CSMD2: variants seen among roughly 807,000 people sequenced by gnomAD.
The protein encoded by CSMD2 is CUB and Sushi multiple domains 2, also known as CUB and sushi domain-containing protein 2.
CSMD2 carries 130 observed loss-of-function variants against 398.5 expected under a neutral mutation model. The ratio of observed to expected loss-of-function variants is 0.33; its 90% CI spans 0.28 to 0.38. CSMD2 has a LOEUF of 0.38. CSMD2 is among the 10% of genes least tolerant of loss of function. CSMD2 has a pLI of 1.00. For missense variants in CSMD2, 3,829 were observed against 4,764.9 expected (o/e 0.80, Z 5.78); for synonymous variants, 1,828 against 1,908.5 (o/e 0.96, Z 1.10).
At chr1:34,096,578 T>A (rs1659334294) in intron 1 of CSMD2, among the ~76,000 whole-genome samples, 1 of 137,332 alleles carries the variant, frequency 7.3e-6, no homozygotes. Flanking sequence ...GGATACAAAA[T>A]CAATGTGCAA....
intron 9 of CSMD2, among the ~76,000 whole-genome samples, chr1:33,815,926 T>C (rs373676500): frequency 6.6e-6 from 1 of 152,010 alleles, no homozygotes; most frequent in Non-Finnish European, 1.5e-5. Flanking sequence ...GATCTGAAAA[T>C]AGAACTCTGG....
At chr1:33,802,201 A>G (rs1655687299) in intron 10 of CSMD2, among the ~76,000 whole-genome samples, 2 of 152,332 alleles carry the variant, frequency 1.3e-5, no homozygotes, top group African/African-American at 2.4e-5. Flanking sequence ...AAGGGAGGGC[A>G]TGGAGGCTGC....
intron 4 of CSMD2, among the ~76,000 whole-genome samples, chr1:33,925,174 T>C (rs962045482): frequency 6.6e-6 from 1 of 152,222 alleles, no homozygotes; most frequent in African/African-American, 2.4e-5. Context: ...AGTAGTTTTA[T>C]AGTTTGGGGT....
intron 33 of CSMD2, 152 bp from the exon 34 acceptor site, chr1:33,625,406 G>T (rs1642053502): frequency 1.4e-6 from 1 of 698,144 alleles, no homozygotes; most frequent in Non-Finnish European, 2.4e-6. Context: ...GGGCTAACTA[G>T]GAGGATGCCT....
At chr1:33,894,833 G>A (rs1332222662) in intron 5 of CSMD2, among the ~76,000 whole-genome samples, 1 of 152,078 alleles carries the variant, frequency 6.6e-6, no homozygotes, top group Non-Finnish European at 1.5e-5. Context: ...CTGTCTTGTT[G>A]GGGCATCCGG....
intron 25 of CSMD2, among the ~76,000 whole-genome samples, chr1:33,682,841 C>T (rs765636376): frequency 5.9e-5 from 9 of 152,156 alleles, no homozygotes; most frequent in South Asian, 2.1e-4. Context: ...CCCCTTGGAA[C>T]GATTTCATTT....
intron 3 of CSMD2, among the ~76,000 whole-genome samples, chr1:33,952,476 G>A (rs1258133179): frequency 6.6e-6 from 1 of 152,116 alleles, no homozygotes; most frequent in Admixed American, 6.6e-5. Context: ...CAACTCAAAT[G>A]TCACCTCCTC....
chr1:33,705,900 G>C (rs1571286064), intron 22 of CSMD2, among the ~76,000 whole-genome samples: 1 of 145,004 alleles, frequency 6.9e-6, no homozygotes, highest in African/African-American at 2.5e-5. Flanking sequence ...TTTATTCCTT[G>C]ATCAGTTCTG....
intron 4 of CSMD2, 85 bp from the exon 5 acceptor site, chr1:33,918,386 C>G: frequency 9.6e-7 from 1 of 1,044,832 alleles, no homozygotes; most frequent in Non-Finnish European, 1.4e-6. Flanking sequence ...TGCAATACAT[C>G]CTTCTGTCTC....
At chr1:34,077,736 CAAAAAAAAAAAAAAAAAAA>C (rs59532141) in intron 2 of CSMD2, among the ~76,000 whole-genome samples, 11 of 38,350 alleles carry the variant, frequency 2.9e-4, no homozygotes, top group African/African-American at 1.1e-3. Flanking sequence ...GACTCCATCT[CAAAAAAAAAAAAAAAAAAA>C]AAAAAAAAAT....
Position 33,541,258 on chromosome 1 carries a change from T to C in CSMD2, c.9329A>G (p.Asn3110Ser), listed in dbSNP as rs763477164. The C allele has an allele frequency of 1.9e-5, 30 of 1,613,958 alleles. No individual in the cohort carries two copies. Among genetic ancestry groups the C allele is most frequent in the East Asian group, 2.2e-5 (1 of 44,896 alleles). ...GIPANGLRLGNDFRYNKTVTY... is the reference protein window; with the variant it reads ...GIPANGLRLGSDFRYNKTVTY... ...CACAGTTTTGTTGTACCTGAAGTCA[T>C]TGCCCAGCCGAAGGCCATTGGCTGG... Residue 3110 changes from asparagine to serine, a missense_variant, in exon 59 of 71, where the codon AAT becomes AGT. By Grantham distance (46) the Asn-to-Ser change is conservative. Transcript: ENST00000373381.
chr1:33,780,343 T>C (rs950689040), intron 12 of CSMD2, among the ~76,000 whole-genome samples: 1 of 152,186 alleles, frequency 6.6e-6, no homozygotes, highest in Admixed American at 6.5e-5. Context: ...CTTCTGATTA[T>C]GCGAAGGGCA....
At chr1:33,986,776 C>A (rs981128696) in intron 3 of CSMD2, among the ~76,000 whole-genome samples, 1 of 152,192 alleles carries the variant, frequency 6.6e-6, no homozygotes, top group Non-Finnish European at 1.5e-5. Flanking sequence ...TAACTCAGGG[C>A]ACTGGGCATG....
intron 5 of CSMD2, among the ~76,000 whole-genome samples, chr1:33,911,719 A>G (rs1421215822): frequency 6.6e-6 from 1 of 152,240 alleles, no homozygotes; most frequent in Admixed American, 6.5e-5. Context: ...AAAAACAGCC[A>G]AAGTCTACCC....
intron 13 of CSMD2, 114 bp downstream of exon 13, chr1:33,772,455 C>T: frequency 2.3e-6 from 2 of 855,886 alleles, no homozygotes; most frequent in Non-Finnish European, 3.7e-6. Flanking sequence ...AACCAGAGTG[C>T]AGCTGTTGTT....
chr1:34,105,520 C>A (rs1237785878), intron 1 of CSMD2, among the ~76,000 whole-genome samples: 1 of 152,138 alleles, frequency 6.6e-6, no homozygotes, highest in East Asian at 1.9e-4. Flanking sequence ...GATTAGCAGG[C>A]CAAAAAAGCC....
At chr1:33,785,062 T>C (rs1292288858) in intron 12 of CSMD2, among the ~76,000 whole-genome samples, 2 of 152,198 alleles carry the variant, frequency 1.3e-5, no homozygotes, top group African/African-American at 2.4e-5. Context: ...ACCCAGACTG[T>C]CCTTCCTAAT....
intron 5 of CSMD2, among the ~76,000 whole-genome samples, chr1:33,903,215 G>A (rs1217747949): frequency 6.6e-6 from 1 of 152,026 alleles, no homozygotes; most frequent in Admixed American, 6.5e-5. Context: ...GAGGTTGCAA[G>A]TTTGAGCCTA....
chr1:34,147,975 G>A (rs183416062), intron 1 of CSMD2, among the ~76,000 whole-genome samples: 170 of 152,156 alleles, frequency 1.1e-3, no homozygotes, highest in Non-Finnish European at 2.2e-3. Context: ...CAGAGTGGTC[G>A]AAAGCCAGAG....
Sources: allele counts gnomAD v4.1 joint callset (sites outside exome capture counted in the v4.1 genomes callset), GRCh38; gene constraint gnomAD v4.1.1; transcripts MANE v1.5; gene names NCBI Gene and HGNC (gene_info 2026-07-23, HGNC 2026-07-21).